The following ARHGAP42 variants were observed in gnomAD, a reference collection of about 807,000 sequenced individuals.
ARHGAP42 encodes Rho GTPase activating protein 42.
In ARHGAP42, 63 loss-of-function variants were observed where a neutral mutation model predicts 125.0. The observed-to-expected ratio is 0.50, with a 90% confidence interval of 0.41 to 0.62. The LOEUF (loss-of-function observed/expected upper bound fraction) is 0.62. ARHGAP42 is among the 20% of genes least tolerant of loss of function. ARHGAP42 has a pLI of 0.00. For missense variants in ARHGAP42, 766 were observed against 1,024.2 expected, an observed-to-expected ratio of 0.75 and a Z score of 3.44; for synonymous variants, 339 against 351.0, an observed-to-expected ratio of 0.97 and a Z score of 0.38.
intron 4 of ARHGAP42, among the ~76,000 whole-genome samples, chr11:100,907,688 G>A (rs899932701): frequency 6.6e-6 from 1 of 152,170 alleles, no homozygotes; most frequent in Admixed American, 6.5e-5. Context: ...GACTGTGCTA[G>A]CAACTGGCCC....
At chr11:100,910,737 A>G (rs1866889731) in intron 4 of ARHGAP42, among the ~76,000 whole-genome samples, 1 of 151,632 alleles carries the variant, frequency 6.6e-6, no homozygotes, top group Admixed American at 6.6e-5. Context: ...TTTCTAGAGC[A>G]TGCTTCCCTA....
intron 4 of ARHGAP42, among the ~76,000 whole-genome samples, chr11:100,860,890 A>G (rs1865429966): frequency 6.6e-6 from 1 of 152,212 alleles, no homozygotes; most frequent in Non-Finnish European, 1.5e-5. Context: ...TTAATTCAGC[A>G]AATATTTATC....
In ARHGAP42 at chr11:100,744,960, G is replaced by C. The variant is rs543867852; in HGVS notation, c.155-25383G>C. On this transcript the variant is annotated intron_variant, in intron 1 of 23. Coordinates refer to ENST00000298815, the MANE Select transcript of ARHGAP42 (RefSeq NM_152432.4). The stretch of plus-strand genomic sequence containing the variant: ...TGGCGCACGTGGCCCCCGCTGCTGT[G>C]TCGTTCCCCTATTGGCTAAGGTTAG... 3.3e-5 allele frequency among the ~76,000 whole-genome samples: 5 copies of C among 152,298 alleles called. No individual in the cohort carries two copies. In the South Asian group the frequency reaches 1.0e-3, roughly 32 times the overall value.
chr11:100,777,733 TA>T (rs536572595), intron 2 of ARHGAP42, among the ~76,000 whole-genome samples: 15 of 152,018 alleles, frequency 9.9e-5, no homozygotes, highest in South Asian at 2.1e-4. Context: ...TAATTTTTCT[TA>T]AAAAAAAGAC....
At chr11:100,834,098 C>G (rs139005358) in intron 3 of ARHGAP42, among the ~76,000 whole-genome samples, 1 of 152,032 alleles carries the variant, frequency 6.6e-6, no homozygotes, top group Non-Finnish European at 1.5e-5. Flanking sequence ...CATATGTAAA[C>G]CTATTTACAG....
intron 16 of ARHGAP42, among the ~76,000 whole-genome samples, chr11:100,963,671 C>T (rs909572328): frequency 1.3e-5 from 2 of 152,194 alleles, no homozygotes; most frequent in African/African-American, 4.8e-5. Context: ...CACTCTACCT[C>T]CTCTTCATAG....
chr11:100,920,807 A>G (rs1236424786), intron 5 of ARHGAP42, among the ~76,000 whole-genome samples: 1 of 152,114 alleles, frequency 6.6e-6, no homozygotes, highest in South Asian at 2.1e-4. Flanking sequence ...AGAGCCATTG[A>G]ATTTTTATTT....
At chr11:100,854,793 T>C (rs920578750) in intron 3 of ARHGAP42, among the ~76,000 whole-genome samples, 2 of 152,084 alleles carry the variant, frequency 1.3e-5, no homozygotes, top group African/African-American at 4.8e-5. Flanking sequence ...TAAGAAGCTA[T>C]TGAGGAAGGA....
Position 100,875,107 on chromosome 11 carries a change from C to CTGTG in ARHGAP42, c.384+15525_384+15528dup, listed in dbSNP as rs67247250. Reference sequence around the variant, plus strand: ...TCTCTCTCTCTCTCTCTCTCTCTCTCTGTGTGTGTGTGTGTGTGTGTGTGT... The same window carrying CTGTG: ...TCTCTCTCTCTCTCTCTCTCTCTCTCTGTGTGTGTGTGTGTGTGTGTGTGTGTGT... On this transcript the variant is annotated intron_variant, in intron 4 of 23. Transcript: ENST00000298815. Among the ~76,000 whole-genome samples, 213 of 82,320 alleles carry CTGTG rather than the reference C, an allele frequency of 2.6e-3. 1 individual carries two copies. Among genetic ancestry groups the CTGTG allele is most frequent in the East Asian group, 5.0e-3 (15 of 3,030 alleles). The allele number at this position is 82,320 out of a possible 152,430, so 54.0% of individuals were successfully genotyped here.
intron 4 of ARHGAP42, among the ~76,000 whole-genome samples, chr11:100,904,320 T>A (rs1294240130): frequency 6.6e-6 from 1 of 151,710 alleles, no homozygotes; most frequent in Non-Finnish European, 1.5e-5. Flanking sequence ...CTCTGCTCAC[T>A]GCAACCTCCT....
At chr11:100,915,116 T>C (rs1156311238) in intron 5 of ARHGAP42, among the ~76,000 whole-genome samples, 2 of 152,168 alleles carry the variant, frequency 1.3e-5, no homozygotes, top group African/African-American at 4.8e-5. Flanking sequence ...GGAAAGATTT[T>C]GATGCTAAAC....
intron 1 of ARHGAP42, among the ~76,000 whole-genome samples, chr11:100,748,595 G>T (rs61910508): frequency 0.25 from 38,483 of 152,088 alleles, 5,098 homozygotes; most frequent in Non-Finnish European, 0.29. Context: ...TTAGGATAGT[G>T]CTGACCTGAT....
chr11:100,772,240 TC>T (rs1355088317), intron 2 of ARHGAP42, among the ~76,000 whole-genome samples: 4 of 152,174 alleles, frequency 2.6e-5, no homozygotes, highest in African/African-American at 9.7e-5. Flanking sequence ...AATTTCAGCT[TC>T]ATTGTGTGGC....
chr11:100,891,734 C>A (rs567110425), intron 4 of ARHGAP42, among the ~76,000 whole-genome samples: 1 of 152,140 alleles, frequency 6.6e-6, no homozygotes, highest in African/African-American at 2.4e-5. Context: ...TGAGCCACCA[C>A]GCCCAGCCAA....
chr11:100,740,148 T>C (rs1862154059), intron 1 of ARHGAP42, among the ~76,000 whole-genome samples: 1 of 152,118 alleles, frequency 6.6e-6, no homozygotes, highest in Non-Finnish European at 1.5e-5. Flanking sequence ...CTGGAAGTTT[T>C]CCTGTTGACA....
intron 1 of ARHGAP42, among the ~76,000 whole-genome samples, chr11:100,708,356 A>G (rs930136601): frequency 1.3e-5 from 2 of 152,244 alleles, no homozygotes; most frequent in Admixed American, 6.5e-5. Context: ...TACAAAAAAT[A>G]TAATAAATTA....
At chr11:100,751,288 T>TTTTTTTTTGTTTTTTG (rs1555113917) in intron 1 of ARHGAP42, among the ~76,000 whole-genome samples, 289 of 139,088 alleles carry the variant, frequency 2.1e-3, no homozygotes, top group Middle Eastern at 3.8e-3. Flanking sequence ...TGTTTTTTTT[T>TTTTTTTTTGTTTTTTG]TTTTTTTTTT....
chr11:100,949,946 G>C lies in ARHGAP42; in HGVS notation c.1152G>C (p.Lys384Asn). The C allele has an allele frequency of 6.8e-7, 1 of 1,463,168 alleles. No homozygotes were observed. The allele number at this position is 1,463,168 out of a possible 1,614,324, so 90.6% of individuals were successfully genotyped here. A position where few individuals can be genotyped will look rare whatever the true frequency, so the allele number is the denominator to read the frequency against. ...PIYTLPAIIS[K>N]KEEMYLNEAG... ...ATACTCTGCCTGCCATTATAAGCAA[G>C]AAAGAAGAAAGTAAGTCATTTTAAT... The change falls in exon 12 of 24, where the codon AAG becomes AAC. Residue 384 changes from lysine (K) to asparagine (N), a missense_variant. Transcript: ENST00000298815.
At chr11:100,905,297 A>G (rs1866694021) in intron 4 of ARHGAP42, among the ~76,000 whole-genome samples, 1 of 152,250 alleles carries the variant, frequency 6.6e-6, no homozygotes, top group South Asian at 2.1e-4. Context: ...TTCAGGGATC[A>G]GAACTTTGGA....
Sources: allele counts gnomAD v4.1 joint callset (sites outside exome capture counted in the v4.1 genomes callset), GRCh38; gene constraint gnomAD v4.1.1; transcripts MANE v1.5; gene names NCBI Gene and HGNC (gene_info 2026-07-23, HGNC 2026-07-21).